The following ATP6V0A1 variants were observed in gnomAD, a reference collection of about 807,000 sequenced individuals.
The protein encoded by ATP6V0A1 is ATPase H+ transporting V0 subunit a1, also known as V-type proton ATPase 116 kDa subunit a 1.
ATP6V0A1 carries 43 observed loss-of-function variants against 105.4 expected under a neutral mutation model. The observed-to-expected ratio is 0.41, with a 90% CI of 0.32 to 0.53. The LOEUF (loss-of-function observed/expected upper bound fraction) is 0.53, where lower values mean the gene tolerates loss of function less well. ATP6V0A1 is among the 20% of genes least tolerant of loss of function. The pLI, the probability that ATP6V0A1 is intolerant of heterozygous loss-of-function variation, is 0.30. For synonymous variants in ATP6V0A1, 362 were observed against 372.8 expected (o/e 0.97, Z 0.33); for missense variants, 676 against 1,051.1 (o/e 0.64, Z 4.93).
intron 4 of ATP6V0A1, 130 bp downstream of exon 4, chr17:42,468,237 G>A: frequency 3.8e-6 from 2 of 522,806 alleles, no homozygotes; most frequent in Non-Finnish European, 3.4e-6. Context: ...TAAGTTTCTT[G>A]TAGGTGGGAT....
chr17:42,495,061 T>A lies in ATP6V0A1; in HGVS notation c.1342T>A (p.Tyr448Asn). The change falls in exon 13 of 22, where the codon TAC (tyrosine) becomes AAC (asparagine). Residue 448 changes from tyrosine to asparagine, a missense_variant. By Grantham distance (143) the Tyr-to-Asn change is moderately radical (BLOSUM62 -2). This residue lies in a region of ATP6V0A1 where 435 missense variants were observed against 642.2 expected (regional missense o/e 0.68). Transcript: ENST00000343619. ...GTTTAGCACTGTGTTCAGTGGTCGA[T>A]ACATTATTTTATTGATGGGTGTGTT... ...EMFSTVFSGRYIILLMGVFSM... is the reference protein window; with the variant it reads ...EMFSTVFSGRNIILLMGVFSM... The A allele has an allele frequency of 6.2e-7, 1 of 1,614,130 alleles. No individual in the cohort carries two copies. The highest frequency in any genetic ancestry group is 8.5e-7 in the Non-Finnish European group (1 of 1,179,958).
intron 19 of ATP6V0A1, chr17:42,510,032 C>CT (rs1175166739): frequency 4.6e-5 from 7 of 150,708 alleles, no homozygotes; most frequent in Admixed American, 3.9e-4. Flanking sequence ...TTTTGCTTGG[C>CT]TGTGAAAATG....
Position 42,499,061 on chromosome 17 carries a change from G to T in ATP6V0A1, c.1679+19G>T. The stretch of plus-strand genomic sequence containing the variant: ...ACCATATGTGAGTTGTTCCATTTCT[G>T]TCATAAGAATGTGCATAGTTTAGAG... On this transcript the variant is annotated intron_variant, in intron 15 of 21. Transcript: ENST00000343619. The T allele has an allele frequency of 2.0e-6, 3 of 1,526,190 alleles. No homozygotes were observed. The highest frequency in any genetic ancestry group is 2.7e-6 in the Non-Finnish European group (3 of 1,103,456). 94.5% of individuals were successfully genotyped at this position (1,526,190 alleles called of 1,614,324 possible).
At position 42,494,394 on chromosome 17, in the gene ATP6V0A1, A is replaced by T. The variant is rs2090959998; in HGVS notation, c.1235A>T (p.His412Leu). 6.2e-7 allele frequency: 1 copy of T among 1,613,702 alleles called. No individual in the cohort carries two copies. Among genetic ancestry groups the T allele is most frequent in the Non-Finnish European group, 8.5e-7 (1 of 1,179,658 alleles). Residue 412 changes from histidine (H) to leucine (L), a missense_variant, in exon 12 of 22, where the codon CAT (histidine) becomes CTT (leucine). Transcript: ENST00000343619. ...LFAVMFGDFGHGILMTLFAVW... is the reference protein window; with the variant it reads ...LFAVMFGDFGLGILMTLFAVW... ...GCTGTGATGTTTGGAGACTTCGGTC[A>T]TGGCATTTTAATGACCCTTTTTGCT...
At chr17:42,514,216 G>A in intron 20 of ATP6V0A1, 73 bp from the exon 21 acceptor site, 1 of 1,517,620 alleles carries the variant, frequency 6.6e-7, no homozygotes, top group South Asian at 1.3e-5. Flanking sequence ...GCAGGGGGAT[G>A]GCAGAGCAAA....
intron 9 of ATP6V0A1, among the ~76,000 whole-genome samples, chr17:42,484,542 A>G (rs1301221779): frequency 6.6e-6 from 1 of 152,080 alleles, no homozygotes; most frequent in African/African-American, 2.4e-5. Flanking sequence ...AGACTAGCCA[A>G]AAAGCTCTGG....
chr17:42,516,372 A>T (rs184597040), intron 21 of ATP6V0A1, among the ~76,000 whole-genome samples: 1 of 152,122 alleles, frequency 6.6e-6, no homozygotes, highest in African/African-American at 2.4e-5. Context: ...CTGCTGCGTC[A>T]GTAGACCTGG....
chr17:42,499,121 G>A lies in ATP6V0A1; in HGVS notation c.1679+79G>A, dbSNP rs1002742380. The A allele has an allele frequency of 8.4e-6, 9 of 1,076,208 alleles. No individual in the cohort carries two copies. The South Asian group carries it at 1.3e-4, about 15-fold the overall frequency. The allele number at this position is 1,076,208 out of a possible 1,614,324, so 66.7% of individuals were successfully genotyped here. A position where few individuals can be genotyped will look rare whatever the true frequency, so the allele number is the denominator to read the frequency against. On this transcript the variant is annotated intron_variant, in intron 15 of 21. Coordinates refer to ENST00000343619, the MANE Select transcript of ATP6V0A1 (RefSeq NM_001130021.3). ...GTGTAAAGAAATCATGACATCTTTG[G>A]GGAGGGATTAATAACTCAGAACCTC...
chr17:42,459,600 C>G (rs2086170151), intron 1 of ATP6V0A1, among the ~76,000 whole-genome samples: 1 of 152,188 alleles, frequency 6.6e-6, no homozygotes, highest in South Asian at 2.1e-4. Flanking sequence ...TTATCATTAT[C>G]CACAGCTCCT....
intron 10 of ATP6V0A1, 134 bp from the exon 11 acceptor site, chr17:42,490,353 T>G: frequency 2.6e-6 from 2 of 771,540 alleles, no homozygotes; most frequent in Non-Finnish European, 3.7e-6. Flanking sequence ...TTTATTGAGA[T>G]ATAATTTACA....
chr17:42,509,577 C>A (rs1310352937), intron 19 of ATP6V0A1, among the ~76,000 whole-genome samples: 1 of 152,224 alleles, frequency 6.6e-6, no homozygotes, highest in Admixed American at 6.5e-5. Context: ...TGTTCCTGGA[C>A]TGCTCATCTA....
At chr17:42,468,758 G>A (rs570613495) in intron 4 of ATP6V0A1, among the ~76,000 whole-genome samples, 210 of 152,118 alleles carry the variant, frequency 1.4e-3, no homozygotes, top group South Asian at 2.9e-3. Context: ...CTCTTTTATG[G>A]TGACAAACAG....
At chr17:42,487,856 C>A (rs1241214054) in intron 10 of ATP6V0A1, among the ~76,000 whole-genome samples, 1 of 152,164 alleles carries the variant, frequency 6.6e-6, no homozygotes, top group African/African-American at 2.4e-5. Context: ...CATACATAGC[C>A]TGGCATATAA....
chr17:42,492,329 A>G (rs2090725646), intron 11 of ATP6V0A1, among the ~76,000 whole-genome samples: 1 of 152,044 alleles, frequency 6.6e-6, no homozygotes, highest in South Asian at 2.1e-4. Context: ...ACATCATGCC[A>G]CTGCACTCCA....
rs913702916 is a variant in ATP6V0A1, at chr17:42,517,721, C to A, written c.2420+3261C>A. On this transcript the variant is annotated intron_variant, in intron 21 of 21. Transcript: ENST00000343619. ...CTGCAGGAGGCGTTCTGAGCTGTGG[C>A]CCTCTTACCAGGGGTGGAGCCTCTG... Among the ~76,000 whole-genome samples, 4 of 152,272 alleles carry A rather than the reference C, an allele frequency of 2.6e-5. No individual in the cohort carries two copies. In the East Asian group the frequency reaches 7.7e-4, roughly 29 times the overall value.
chr17:42,464,746 TAC>T (rs1404231175), intron 2 of ATP6V0A1, among the ~76,000 whole-genome samples: 1 of 152,144 alleles, frequency 6.6e-6, no homozygotes, highest in Non-Finnish European at 1.5e-5. Flanking sequence ...ATAATATATA[TAC>T]ACACATACGT....
intron 5 of ATP6V0A1, among the ~76,000 whole-genome samples, chr17:42,476,585 TTTTTGTTTTG>T (rs539021195): frequency 5.9e-5 from 9 of 152,042 alleles, no homozygotes; most frequent in African/African-American, 9.7e-5. Flanking sequence ...ATTGGACTGG[TTTTTGTTTTG>T]TTTTGTTTTG....
rs1721947696 is a variant in ATP6V0A1 at position 42,480,856 on chromosome 17, C to T, written c.716+107C>T. ...AAATCCTTTTTAGTCTACCTCAACA[C>T]AGTTAATTTTAATAATGTTAGGGGC... On this transcript the variant is annotated intron_variant, in intron 8 of 21. Transcript: ENST00000343619. 15 of 950,314 alleles carry T rather than the reference C, an allele frequency of 1.6e-5. No individual in the cohort carries two copies. In the South Asian group the frequency reaches 2.3e-4, roughly 15 times the overall value. The allele number at this position is 950,314 out of a possible 1,614,324, so 58.9% of individuals were successfully genotyped here. A position where few individuals can be genotyped will look rare whatever the true frequency, so the allele number is the denominator to read the frequency against.
At chr17:42,512,457 A>G (rs995495202) in intron 19 of ATP6V0A1, among the ~76,000 whole-genome samples, 12 of 152,224 alleles carry the variant, frequency 7.9e-5, no homozygotes, top group Non-Finnish European at 1.5e-4. Flanking sequence ...GGCAGCCAGC[A>G]GTGGTAGGAA....
Sources: gnomAD v4.1 joint callset for allele counts (sites outside exome capture counted in the v4.1 genomes callset) on GRCh38, gnomAD v4.1.1 for gene constraint, gnomAD v4.1.1 regional missense constraint, MANE v1.5 for transcripts, NCBI Gene and HGNC (gene_info 2026-07-23, HGNC 2026-07-21) for gene names.